Variants in KIRREL3 observed in about 807,000 individuals in gnomAD.
The protein encoded by KIRREL3 is kin of IRRE-like protein 3.
Under a neutral mutation model 89.7 loss-of-function variants are expected in KIRREL3, and 36 were observed. The observed-to-expected ratio is 0.40, with a 90% CI of 0.31 to 0.53. The LOEUF (loss-of-function observed/expected upper bound fraction) is 0.53. Ranked by LOEUF, KIRREL3 falls within the 20% of genes least tolerant of loss-of-function variation. The pLI is 0.49. For synonymous variants in KIRREL3, 445 were observed against 441.4 expected (o/e 1.01, Z -0.10); for missense variants, 864 against 1,056.6 (o/e 0.82, Z 2.53).
chr11:126,885,696 A>C (rs1395720660), intron 1 of KIRREL3, among the ~76,000 whole-genome samples: 1 of 152,200 alleles, frequency 6.6e-6, no homozygotes, highest in Non-Finnish European at 1.5e-5. Flanking sequence ...TTTCTGAATA[A>C]GAGAGTATCA....
chr11:126,982,760 C>A (rs533060384), intron 1 of KIRREL3, among the ~76,000 whole-genome samples: 11 of 152,200 alleles, frequency 7.2e-5, no homozygotes, highest in Non-Finnish European at 1.6e-4. Context: ...TACCCTGCAG[C>A]AAATCATACA....
intron 1 of KIRREL3, among the ~76,000 whole-genome samples, chr11:126,932,461 A>G (rs1322035353): frequency 6.6e-6 from 1 of 152,188 alleles, no homozygotes; most frequent in Non-Finnish European, 1.5e-5. Context: ...GATTTCAAAT[A>G]GCACATTTTG....
chr11:126,651,533 C>A lies in KIRREL3; in HGVS notation c.56-88621G>T, dbSNP rs929280573. Among the ~76,000 whole-genome samples, 1 of 152,170 alleles carries A rather than the reference C, an allele frequency of 6.6e-6. No homozygotes were observed. The highest frequency in any genetic ancestry group is 1.5e-5 in the Non-Finnish European group (1 of 68,032). On this transcript the variant is annotated intron_variant, in intron 1 of 16. Coordinates refer to ENST00000525144, the MANE Select transcript of KIRREL3 (RefSeq NM_032531.4). This position sits in a 1 kb window ranked among gnomAD's most constrained non-coding sequence, Gnocchi z 4.6. Reference sequence around the variant, plus strand: ...GCCTAACTGGATCTTGGGAATAAATCTCTTATTTTGGTAGCACTTTCAAAT... The same window carrying A: ...GCCTAACTGGATCTTGGGAATAAATATCTTATTTTGGTAGCACTTTCAAAT...
rs1287408808 is a variant in KIRREL3, at chr11:126,870,131, G to A, written c.55+130324C>T. ...CCATGAGCACTGTGATTAATGACCA[G>A]GAGTGAGTGTGGGCGAGTGTGGGGC... On this transcript the variant is annotated intron_variant, in intron 1 of 16. Coordinates refer to ENST00000525144, the MANE Select transcript of KIRREL3 (RefSeq NM_032531.4). The surrounding 1 kb of genome is among the most constrained non-coding windows in gnomAD (Gnocchi z 4.4). 6.6e-6 allele frequency among the ~76,000 whole-genome samples: 1 copy of A among 152,224 alleles called. No individual in the cohort carries two copies. The highest frequency in any genetic ancestry group is 1.5e-5 in the Non-Finnish European group (1 of 68,034).
At chr11:126,882,982 C>T (rs1214273024) in intron 1 of KIRREL3, among the ~76,000 whole-genome samples, 1 of 152,196 alleles carries the variant, frequency 6.6e-6, no homozygotes, top group Non-Finnish European at 1.5e-5. Flanking sequence ...AGTAGCTCTG[C>T]CTGCTGAGCC....
At chr11:126,461,429 C>A (rs1176263040) in intron 6 of KIRREL3, among the ~76,000 whole-genome samples, 1 of 152,166 alleles carries the variant, frequency 6.6e-6, no homozygotes, top group Non-Finnish European at 1.5e-5. Flanking sequence ...GTCACCCTAG[C>A]TCTAGGCTTG....
intron 1 of KIRREL3, among the ~76,000 whole-genome samples, chr11:126,964,378 C>T (rs1949199003): frequency 6.6e-6 from 1 of 152,168 alleles, no homozygotes; most frequent in Admixed American, 6.5e-5. Context: ...CCTTCTCCCC[C>T]ATAGATAGAT....
intron 1 of KIRREL3, among the ~76,000 whole-genome samples, chr11:126,633,125 A>C (rs1311949440): frequency 1.3e-5 from 2 of 152,116 alleles, no homozygotes. Context: ...ATTAAAATCC[A>C]GTCTAAGCAC....
At chr11:126,447,356 C>T (rs750784382) in intron 8 of KIRREL3, among the ~76,000 whole-genome samples, 25 of 152,200 alleles carry the variant, frequency 1.6e-4, no homozygotes, top group Non-Finnish European at 3.1e-4. Context: ...GCCATCTCCT[C>T]CAGCCTCAGC....
Position 126,833,025 on chromosome 11 carries a change from G to A in KIRREL3, c.55+167430C>T, listed in dbSNP as rs184579029. ...CACACCACCTTTAAATCAACGGAAT[G>A]TGTCCGTGTGCGGCTGTCCATAGAC... is the stretch of plus-strand genomic sequence containing the variant. On this transcript the variant is annotated intron_variant, in intron 1 of 16. Transcript: ENST00000525144. Among the ~76,000 whole-genome samples the A allele has an allele frequency of 5.3e-3, 809 of 152,284 alleles. 2 individuals are homozygous for A. The highest frequency in any genetic ancestry group is 8.7e-3 in the South Asian group (42 of 4,822).
rs1180665515 is a variant in KIRREL3 at position 126,653,631 on chromosome 11, C to T, written c.56-90719G>A. On this transcript the variant is annotated intron_variant, in intron 1 of 16. Transcript: ENST00000525144. The surrounding 1 kb of genome is among the most constrained non-coding windows in gnomAD (Gnocchi z 5.4). Reference sequence around the variant, plus strand: ...TGAAGGAGCTCTTTTCAAGGTCACACGGACACTCTGACCCGACTCTCTCCT... The same window carrying T: ...TGAAGGAGCTCTTTTCAAGGTCACATGGACACTCTGACCCGACTCTCTCCT... 1.3e-5 allele frequency among the ~76,000 whole-genome samples: 2 copies of T among 152,146 alleles called. No individual in the cohort carries two copies. Among genetic ancestry groups the T allele is most frequent in the Non-Finnish European group, 2.9e-5 (2 of 68,022 alleles).
chr11:126,838,465 C>T (rs1236927016), intron 1 of KIRREL3, among the ~76,000 whole-genome samples: 1 of 152,132 alleles, frequency 6.6e-6, no homozygotes, highest in Non-Finnish European at 1.5e-5. Context: ...TAAATTTTGC[C>T]AACTCTGGAG....
At chr11:126,586,275 T>TA in intron 1 of KIRREL3, among the ~76,000 whole-genome samples, 1 of 152,246 alleles carries the variant, frequency 6.6e-6, no homozygotes, top group Non-Finnish European at 1.5e-5. Flanking sequence ...CTAAAATCAA[T>TA]AAAAATCACA....
intron 1 of KIRREL3, among the ~76,000 whole-genome samples, chr11:126,869,806 C>T (rs1945048842): frequency 1.3e-5 from 2 of 152,178 alleles, no homozygotes; most frequent in South Asian, 4.1e-4. Flanking sequence ...CGCTGAATCA[C>T]TTTCTAATTG....
chr11:126,576,827 A>C lies in KIRREL3; in HGVS notation c.56-13915T>G, dbSNP rs1941278488. Among the ~76,000 whole-genome samples, 1 of 152,164 alleles carries C rather than the reference A, an allele frequency of 6.6e-6. No homozygotes were observed. Among genetic ancestry groups the C allele is most frequent in the African/African-American group, 2.4e-5 (1 of 41,420 alleles). On this transcript the variant is annotated intron_variant, in intron 1 of 16. Coordinates refer to ENST00000525144, the MANE Select transcript of KIRREL3 (RefSeq NM_032531.4). This position sits in a 1 kb window ranked among gnomAD's most constrained non-coding sequence, Gnocchi z 5.4. ...CTGAGCCACAAATGAGGCTCTCCCT[A>C]CTGGAATGCAGAAGGAAGGACAAGA... is the stretch of plus-strand genomic sequence containing the variant.
chr11:126,427,994 A>AC lies in KIRREL3; in HGVS notation c.1806+1184_1806+1185insG, dbSNP rs1186012707. Reference sequence around the variant, plus strand: ...AGAAAGCGTAGCCGAGGGAAAAGTCAGTTTGATTCAGTAAACGTCTGTGAG... The same window carrying AC: ...AGAAAGCGTAGCCGAGGGAAAAGTCACGTTTGATTCAGTAAACGTCTGTGAG... On this transcript the variant is annotated intron_variant, in intron 15 of 16. Coordinates refer to ENST00000525144, the MANE Select transcript of KIRREL3 (RefSeq NM_032531.4). This position sits in a 1 kb window ranked among gnomAD's most constrained non-coding sequence, Gnocchi z 5.3. Among the ~76,000 whole-genome samples the AC allele has an allele frequency of 6.6e-6, 1 of 152,224 alleles. No individual in the cohort carries two copies. Among genetic ancestry groups the AC allele is most frequent in the Non-Finnish European group, 1.5e-5 (1 of 68,050 alleles).
At chr11:126,688,683 T>A (rs61897861) in intron 1 of KIRREL3, among the ~76,000 whole-genome samples, 1 of 152,190 alleles carries the variant, frequency 6.6e-6, no homozygotes, top group Non-Finnish European at 1.5e-5. Flanking sequence ...GCTTGGAATA[T>A]ATACAGTCAG....
At chr11:126,707,105 C>T (rs1352278605) in intron 1 of KIRREL3, among the ~76,000 whole-genome samples, 12 of 152,116 alleles carry the variant, frequency 7.9e-5, no homozygotes, top group Non-Finnish European at 1.8e-4. Flanking sequence ...AGGTGCATGC[C>T]ACCACATTGG....
At chr11:126,473,226 T>A in intron 5 of KIRREL3, 83 bp downstream of exon 5, 23 of 543,552 alleles carry the variant, frequency 4.2e-5, no homozygotes, top group Non-Finnish European at 5.2e-5. Context: ...CTCCTCCCCA[T>A]CAACTCCCTG....
Sources: gnomAD v4.1 joint callset for allele counts (sites outside exome capture counted in the v4.1 genomes callset) on GRCh38, gnomAD v4.1.1 for gene constraint, Gnocchi (gnomAD v3.1) non-coding constraint, MANE v1.5 for transcripts, NCBI Gene and HGNC (gene_info 2026-07-23, HGNC 2026-07-21) for gene names.